MYO6: variants seen among roughly 807,000 people sequenced by gnomAD.
MYO6 encodes myosin VI.
Under a neutral mutation model 178.7 loss-of-function variants are expected in MYO6, and 74 were observed. The observed-to-expected ratio is 0.41, with a 90% CI of 0.34 to 0.50. The LOEUF is 0.50. Among genes scored for constraint, MYO6 ranks in the 20% least tolerant of loss-of-function variants. MYO6 has a pLI of 0.09. For synonymous variants in MYO6, 477 were observed against 504.6 expected (o/e 0.95, Z 0.73); for missense variants, 1,330 against 1,547.4 (o/e 0.86, Z 2.36).
At chr6:75,902,900 C>T (rs1214004521) in intron 30 of MYO6, among the ~76,000 whole-genome samples, 43 of 151,756 alleles carry the variant, frequency 2.8e-4, no homozygotes, top group South Asian at 8.4e-4. Flanking sequence ...GCGTTGAATG[C>T]GTCCCAGAGA....
chr6:75,799,708 T>C (rs566167857), intron 1 of MYO6, among the ~76,000 whole-genome samples: 2 of 152,046 alleles, frequency 1.3e-5, no homozygotes, highest in Non-Finnish European at 2.9e-5. Flanking sequence ...ACAAGATGGC[T>C]CTTGTTTCTT....
At position 75,916,896 on chromosome 6, in the gene MYO6, A is replaced by T. The variant is rs562636905; in HGVS notation, c.*1884A>T. ...GGTTGTTATAAGTCCTTAGTTTTTG[A>T]CTCTAATAGTTAATACAATTATAGT... On this transcript the variant is annotated 3_prime_UTR_variant, in exon 35 of 35. Transcript: ENST00000369977. 2 of 152,266 alleles carry T rather than the reference A, an allele frequency of 1.3e-5. No individual in the cohort carries two copies. Among genetic ancestry groups the T allele is most frequent in the East Asian group, 3.9e-4 (2 of 5,190 alleles). The allele number at this position is 152,266 out of a possible 1,614,324, so 9.4% of individuals were successfully genotyped here.
chr6:75,805,778 C>A (rs73462806), intron 1 of MYO6, among the ~76,000 whole-genome samples: 6 of 152,162 alleles, frequency 3.9e-5, no homozygotes, highest in African/African-American at 1.4e-4. Flanking sequence ...TTTCCTTAAC[C>A]CCAATAATTC....
intron 1 of MYO6, among the ~76,000 whole-genome samples, chr6:75,791,406 G>T (rs1394922006): frequency 6.6e-6 from 1 of 152,088 alleles, no homozygotes; most frequent in Non-Finnish European, 1.5e-5. Flanking sequence ...TTAATGCTGG[G>T]ATAAAATTTT....
At chr6:75,885,297 G>A (rs1271594023) in intron 23 of MYO6, among the ~76,000 whole-genome samples, 1 of 152,182 alleles carries the variant, frequency 6.6e-6, no homozygotes, top group Non-Finnish European at 1.5e-5. Context: ...ACTTTGGGAG[G>A]CTGAGGTGGG....
chr6:75,791,233 T>C (rs1033463772), intron 1 of MYO6, among the ~76,000 whole-genome samples: 7 of 152,152 alleles, frequency 4.6e-5, no homozygotes, highest in African/African-American at 1.7e-4. Context: ...GTGCCCGGCC[T>C]AATAGCTGTA....
At chr6:75,892,737 T>C in intron 28 of MYO6, 47 bp downstream of exon 28, 4 of 1,597,864 alleles carry the variant, frequency 2.5e-6, no homozygotes, top group Non-Finnish European at 3.4e-6. Flanking sequence ...CTTTGCTTTC[T>C]CTACCTCTCT....
Position 75,918,986 on chromosome 6 carries a change from G to A in MYO6, c.*3974G>A, listed in dbSNP as rs954315759. 9 of 152,240 alleles carry A rather than the reference G, an allele frequency of 5.9e-5. No homozygotes were observed. Among genetic ancestry groups the A allele is most frequent in the African/African-American group, 2.2e-4 (9 of 41,432 alleles). The allele number at this position is 152,240 out of a possible 1,614,324, so 9.4% of individuals were successfully genotyped here. A position where few individuals can be genotyped will look rare whatever the true frequency, so the allele number is the denominator to read the frequency against. Reference sequence around the variant, plus strand: ...TACAAAACATTAGCCAGGCGTGGTAGTGGGTGCCTGTAATCCCTGCTACTT... The same window carrying A: ...TACAAAACATTAGCCAGGCGTGGTAATGGGTGCCTGTAATCCCTGCTACTT... On this transcript the variant is annotated 3_prime_UTR_variant, in exon 35 of 35. Coordinates refer to ENST00000369977, the MANE Select transcript of MYO6 (RefSeq NM_004999.4).
At chr6:75,900,866 G>T (rs907095057) in intron 30 of MYO6, among the ~76,000 whole-genome samples, 1 of 150,564 alleles carries the variant, frequency 6.6e-6, no homozygotes, top group Non-Finnish European at 1.5e-5. Flanking sequence ...TATGGTTTTA[G>T]GTCTAACGTT....
intron 29 of MYO6, among the ~76,000 whole-genome samples, chr6:75,896,943 G>T (rs898318177): frequency 6.6e-6 from 1 of 152,242 alleles, no homozygotes; most frequent in Admixed American, 6.5e-5. Flanking sequence ...GCACCTGGGT[G>T]CAGGAACCAT....
intron 1 of MYO6, among the ~76,000 whole-genome samples, chr6:75,776,980 T>C (rs997852099): frequency 6.6e-6 from 1 of 152,216 alleles, no homozygotes; most frequent in African/African-American, 2.4e-5. Context: ...AGATACAGCA[T>C]AGTTTACGAA....
At chr6:75,866,397 G>T in intron 16 of MYO6, 129 bp from the exon 17 acceptor site, 1 of 700,178 alleles carries the variant, frequency 1.4e-6, no homozygotes, top group East Asian at 3.0e-5. Context: ...CATAAAAGCA[G>T]TATAATTGTG....
intron 3 of MYO6, among the ~76,000 whole-genome samples, chr6:75,826,289 C>G (rs1772460101): frequency 6.6e-6 from 1 of 152,168 alleles, no homozygotes; most frequent in African/African-American, 2.4e-5. Flanking sequence ...GGAATACCCT[C>G]CTGTCCAAAT....
At chr6:75,822,312 A>T (rs560223898) in intron 2 of MYO6, among the ~76,000 whole-genome samples, 1 of 152,036 alleles carries the variant, frequency 6.6e-6, no homozygotes, top group African/African-American at 2.4e-5. Context: ...TGGCCAGGCT[A>T]GTTTCAAACT....
chr6:75,768,863 G>A (rs1016316459), intron 1 of MYO6, among the ~76,000 whole-genome samples: 2 of 152,162 alleles, frequency 1.3e-5, no homozygotes, highest in East Asian at 1.9e-4. Context: ...AAAGAAAAGA[G>A]GTTTAATTGG....
intron 1 of MYO6, among the ~76,000 whole-genome samples, chr6:75,801,957 G>T (rs1464185705): frequency 2.0e-5 from 3 of 151,706 alleles, no homozygotes; most frequent in Non-Finnish European, 4.4e-5. Flanking sequence ...AAAAAAATGT[G>T]ATTCTCATCT....
At chr6:75,898,000 C>T (rs1042996999) in intron 29 of MYO6, among the ~76,000 whole-genome samples, 1 of 152,192 alleles carries the variant, frequency 6.6e-6, no homozygotes, top group Non-Finnish European at 1.5e-5. Context: ...ATTTACTAAG[C>T]AACTCTGGTG....
At chr6:75,767,401 A>G (rs759234824) in intron 1 of MYO6, among the ~76,000 whole-genome samples, 1 of 152,084 alleles carries the variant, frequency 6.6e-6, no homozygotes, top group Non-Finnish European at 1.5e-5. Context: ...ATAATAATAC[A>G]TATAAATAAA....
chr6:75,866,628 A>G lies in MYO6; in HGVS notation c.1770+7A>G, dbSNP rs754064716. On this transcript the variant is annotated splice_region_variant and intron_variant, in intron 17 of 34. Transcript: ENST00000369977. ...GGCAGTGTGCTATGAAACAGTGAGT[A>G]TAACTTTTACAAGGAGAAAACCATT... is the stretch of plus-strand genomic sequence containing the variant. 4 of 1,609,196 alleles carry G rather than the reference A, an allele frequency of 2.5e-6. No homozygotes were observed. The highest frequency in any genetic ancestry group is 4.5e-5 in the East Asian group (2 of 44,850).
Sources: gnomAD v4.1 joint callset for allele counts (sites outside exome capture counted in the v4.1 genomes callset) on GRCh38, gnomAD v4.1.1 for gene constraint, MANE v1.5 for transcripts, NCBI Gene and HGNC (gene_info 2026-07-23, HGNC 2026-07-21) for gene names.